The following MYRIP variants were observed in gnomAD, a reference collection of about 807,000 sequenced individuals.
MYRIP encodes the protein myosin VIIA and Rab interacting protein, also known as rab effector MyRIP.
In MYRIP, 49 loss-of-function variants were observed where a neutral mutation model predicts 98.0. That is an observed-to-expected ratio of 0.50 (90% CI 0.40 to 0.63). The LOEUF is 0.63. MYRIP is among the 30% of genes least tolerant of loss of function. The probability of loss-of-function intolerance (pLI) is 0.00; values close to 1 mark genes in which losing one functional copy is unlikely to be tolerated. For synonymous variants in MYRIP, 404 were observed against 409.5 expected (o/e 0.99, Z 0.16); for missense variants, 1,004 against 1,058.2 (o/e 0.95, Z 0.71).
intron 3 of MYRIP, among the ~76,000 whole-genome samples, chr3:40,139,674 G>T (rs1353994455): frequency 6.6e-6 from 1 of 152,124 alleles, no homozygotes; most frequent in East Asian, 1.9e-4. Context: ...CAAACTCCTG[G>T]TCTCAAGCAA....
intron 10 of MYRIP, among the ~76,000 whole-genome samples, chr3:40,203,478 C>T (rs543822241): frequency 2.0e-5 from 3 of 151,342 alleles, no homozygotes; most frequent in African/African-American, 7.3e-5. Flanking sequence ...TTTAGGTGAT[C>T]AATGAGATGA....
intron 3 of MYRIP, among the ~76,000 whole-genome samples, chr3:40,050,266 G>A (rs990655242): frequency 3.9e-5 from 6 of 152,132 alleles, no homozygotes; most frequent in African/African-American, 1.4e-4. Context: ...CTTGTTAGGG[G>A]CTGATGTAGC....
intron 9 of MYRIP, among the ~76,000 whole-genome samples, chr3:40,183,192 C>G (rs1950937438): frequency 6.6e-6 from 1 of 152,206 alleles, no homozygotes; most frequent in African/African-American, 2.4e-5. Context: ...GTGGCCCCAC[C>G]TCAATGCAGG....
At chr3:39,934,153 T>C (rs941845032) in intron 2 of MYRIP, among the ~76,000 whole-genome samples, 1 of 152,166 alleles carries the variant, frequency 6.6e-6, no homozygotes, top group African/African-American at 2.4e-5. Flanking sequence ...CTTAGTTCCT[T>C]TGTCTTCTCT....
chr3:39,907,752 G>A (rs1943912640), intron 2 of MYRIP, among the ~76,000 whole-genome samples: 1 of 152,198 alleles, frequency 6.6e-6, no homozygotes, highest in Non-Finnish European at 1.5e-5. Context: ...ACTTGTAGAT[G>A]AAGAAACACG....
At chr3:39,925,819 C>T (rs975687142) in intron 2 of MYRIP, among the ~76,000 whole-genome samples, 1 of 151,884 alleles carries the variant, frequency 6.6e-6, no homozygotes, top group East Asian at 1.9e-4. Flanking sequence ...TTTTGCAGAA[C>T]AATTCATTTT....
chr3:40,016,944 G>C (rs185141491), intron 2 of MYRIP, among the ~76,000 whole-genome samples: 116 of 152,314 alleles, frequency 7.6e-4, no homozygotes, highest in Non-Finnish European at 1.3e-3. Context: ...GAAATTCTGA[G>C]AGGATACATA....
Position 40,151,175 on chromosome 3 carries a change from G to T in MYRIP, c.460G>T (p.Asp154Tyr). 1.2e-6 allele frequency: 2 copies of T among 1,602,208 alleles called. No individual in the cohort carries two copies. The highest frequency in any genetic ancestry group is 2.2e-5 in the South Asian group (2 of 89,358). Residue 154 changes from aspartate to tyrosine, a missense_variant, in exon 4 of 17, where the codon GAC (aspartate) becomes TAC (tyrosine). Physicochemically the swap from Asp to Tyr is radical, Grantham distance 160. Transcript: ENST00000302541. The part of the protein sequence containing the change: ...KHRLESGACF[D>Y]ILGGSLFESN... ...CCGGCTGGAGAGTGGCGCGTGCTTC[G>T]ACATTCTAGGTACTCTCACTTCCTG...
chr3:39,923,314 C>A (rs996225579), intron 2 of MYRIP, among the ~76,000 whole-genome samples: 2 of 151,912 alleles, frequency 1.3e-5, no homozygotes, highest in Admixed American at 6.6e-5. Flanking sequence ...CCAAATTTGA[C>A]AATAGACACA....
chr3:39,819,288 C>A (rs1400210746), intron 1 of MYRIP, among the ~76,000 whole-genome samples: 1 of 151,848 alleles, frequency 6.6e-6, no homozygotes, highest in Non-Finnish European at 1.5e-5. Context: ...GCAGAGGTTG[C>A]AGTGAGCCGA....
intron 3 of MYRIP, among the ~76,000 whole-genome samples, chr3:40,136,626 A>G (rs1489676077): frequency 3.3e-5 from 5 of 150,974 alleles, no homozygotes; most frequent in Non-Finnish European, 7.4e-5. Context: ...TTGACCACAT[A>G]GTTGGAAGTA....
intron 3 of MYRIP, among the ~76,000 whole-genome samples, chr3:40,069,674 A>C (rs1161496641): frequency 6.6e-6 from 1 of 152,146 alleles, no homozygotes; most frequent in African/African-American, 2.4e-5. Context: ...TATAGGTGGA[A>C]TCATACAGTA....
At chr3:40,060,830 C>T (rs895663378) in intron 3 of MYRIP, among the ~76,000 whole-genome samples, 6 of 152,082 alleles carry the variant, frequency 3.9e-5, no homozygotes, top group Admixed American at 6.6e-5. Context: ...TGATATCAGG[C>T]GATCCACCTG....
intron 2 of MYRIP, among the ~76,000 whole-genome samples, chr3:39,946,764 G>A (rs527661266): frequency 6.6e-6 from 1 of 152,128 alleles, no homozygotes; most frequent in Non-Finnish European, 1.5e-5. Context: ...CTGAGCAGAC[G>A]ATCCAGATAA....
At chr3:40,033,295 C>T (rs1037077045) in intron 2 of MYRIP, among the ~76,000 whole-genome samples, 25 of 150,966 alleles carry the variant, frequency 1.7e-4, no homozygotes, top group South Asian at 4.2e-4. Context: ...TGTTTGCAGA[C>T]GACATGATTG....
chr3:40,191,028 A>C (rs921579475), intron 10 of MYRIP, among the ~76,000 whole-genome samples: 3 of 152,192 alleles, frequency 2.0e-5, no homozygotes, highest in Admixed American at 2.0e-4. Flanking sequence ...GCTCTGTCTG[A>C]GATGTGACAC....
intron 4 of MYRIP, among the ~76,000 whole-genome samples, chr3:40,160,279 G>T (rs914240582): frequency 3.3e-5 from 5 of 150,234 alleles, no homozygotes; most frequent in Admixed American, 6.6e-5. Flanking sequence ...TGCCCCTACT[G>T]GGGGGTGCCT....
chr3:40,211,530 C>T (rs115245654), intron 11 of MYRIP, among the ~76,000 whole-genome samples: 1,758 of 152,266 alleles, frequency 0.012, 41 homozygotes, highest in African/African-American at 0.039. Context: ...TTGTTCTCCA[C>T]GAGGAGCCCC....
At chr3:40,015,465 C>T (rs959259898) in intron 2 of MYRIP, among the ~76,000 whole-genome samples, 1 of 152,226 alleles carries the variant, frequency 6.6e-6, no homozygotes, top group Admixed American at 6.5e-5. Flanking sequence ...GCTACAGTAA[C>T]ATTCCAAGAA....
Sources: gnomAD v4.1 joint callset for allele counts (sites outside exome capture counted in the v4.1 genomes callset) on GRCh38, gnomAD v4.1.1 for gene constraint, MANE v1.5 for transcripts, NCBI Gene and HGNC (gene_info 2026-07-23, HGNC 2026-07-21) for gene names.